NBDY: variants seen among roughly 807,000 people sequenced by gnomAD.
NBDY encodes P-body dissociating protein.
At position 56,756,887 on chromosome X, in the gene NBDY, G is replaced by A. The variant is rs774800828; in HGVS notation, c.*166+24688G>A. Reference sequence around the variant, plus strand: ...ATGAGAATCACTTGAACCAGGAGGCGGGGGTTGTAGTGAGCCGAGATTGCG... The same window carrying A: ...ATGAGAATCACTTGAACCAGGAGGCAGGGGTTGTAGTGAGCCGAGATTGCG... On this transcript the variant is annotated intron_variant, in intron 2 of 2. Coordinates refer to ENST00000374922, the MANE Select transcript of NBDY (RefSeq NM_001348129.2). Among the ~76,000 whole-genome samples, 21 of 110,739 alleles carry A rather than the reference G, an allele frequency of 1.9e-4. No individual in the cohort carries two copies. In the South Asian group the frequency reaches 8.2e-3, roughly 43 times the overall value.
intron 2 of NBDY, among the ~76,000 whole-genome samples, chrX:56,806,745 T>C (rs895702093): frequency 8.0e-5 from 9 of 111,802 alleles, no homozygotes; most frequent in African/African-American, 2.9e-4. Flanking sequence ...TTGCAAAGAG[T>C]TTCTCCCATT....
At chrX:56,808,016 T>A (rs1397070458) in intron 2 of NBDY, among the ~76,000 whole-genome samples, 1 of 112,283 alleles carries the variant, frequency 8.9e-6, no homozygotes, top group Non-Finnish European at 1.9e-5. Flanking sequence ...TTGAAAGTTT[T>A]TAGCATGAAG....
At chrX:56,734,743 G>A (rs1906809450) in intron 2 of NBDY, among the ~76,000 whole-genome samples, 1 of 111,734 alleles carries the variant, frequency 8.9e-6, no homozygotes, top group African/African-American at 3.3e-5. Flanking sequence ...AGGAAGAGAG[G>A]GGACCTTGGA....
At chrX:56,756,356 C>G in intron 2 of NBDY, among the ~76,000 whole-genome samples, 1 of 107,065 alleles carries the variant, frequency 9.3e-6, no homozygotes, top group Non-Finnish European at 1.9e-5. Context: ...TTATCCACAG[C>G]TAAATAAAAA....
At chrX:56,794,945 C>G (rs1376127533) in intron 2 of NBDY, among the ~76,000 whole-genome samples, 2 of 112,152 alleles carry the variant, frequency 1.8e-5, no homozygotes, top group East Asian at 5.6e-4. Context: ...AGACCTTCAG[C>G]GACCTCTCTC....
In NBDY at chrX:56,819,021, T is replaced by C. The variant is rs2069923732; in HGVS notation, c.*1868T>C. On this transcript the variant is annotated 3_prime_UTR_variant, in exon 3 of 3. Transcript: ENST00000374922. ...CAAAAAAACAAAAAACTTCCACCCC[T>C]ACCTCATGCAAAATACAAAAATTAA... 9.6e-6 allele frequency: 1 copy of C among 104,044 alleles called. No homozygotes were observed. The highest frequency in any genetic ancestry group is 3.4e-5 in the African/African-American group (1 of 29,125). The allele number at this position is 104,044 out of a possible 1,213,427, so 8.6% of individuals were successfully genotyped here. A position where few individuals can be genotyped will look rare whatever the true frequency, so the allele number is the denominator to read the frequency against.
Position 56,766,455 on chromosome X carries a change from C to T in NBDY, c.*166+34256C>T, listed in dbSNP as rs185286682. ...ATACATGCACACCCAGACAAAAACACGCTTACACATACCCACACAAACACA... is the reference window on the plus strand; with the variant it reads ...ATACATGCACACCCAGACAAAAACATGCTTACACATACCCACACAAACACA... On this transcript the variant is annotated intron_variant, in intron 2 of 2. Coordinates refer to ENST00000374922, the MANE Select transcript of NBDY (RefSeq NM_001348129.2). 2.5e-4 allele frequency among the ~76,000 whole-genome samples: 28 copies of T among 111,741 alleles called. 1 individual carries two copies. The East Asian group carries it at 6.5e-3, about 26-fold the overall frequency.
At chrX:56,812,227 T>C (rs2069890702) in intron 2 of NBDY, among the ~76,000 whole-genome samples, 1 of 106,285 alleles carries the variant, frequency 9.4e-6, no homozygotes, top group South Asian at 4.6e-4. Context: ...CTTTTTTTTA[T>C]CTTCACTGTC....
intron 2 of NBDY, among the ~76,000 whole-genome samples, chrX:56,733,382 C>G (rs1220071398): frequency 9.0e-6 from 1 of 110,512 alleles, no homozygotes; most frequent in Admixed American, 9.6e-5. Flanking sequence ...AAAGAGTGAA[C>G]AATCATATAA....
chrX:56,745,731 C>A (rs2069553826), intron 2 of NBDY, among the ~76,000 whole-genome samples: 1 of 110,820 alleles, frequency 9.0e-6, no homozygotes, highest in Non-Finnish European at 1.9e-5. Context: ...TAGCACCCTC[C>A]CTTTTTTTTT....
intron 2 of NBDY, among the ~76,000 whole-genome samples, chrX:56,757,926 T>A (rs1304792538): frequency 9.0e-6 from 1 of 111,444 alleles, no homozygotes; most frequent in Non-Finnish European, 1.9e-5. Context: ...CAGAATCCTC[T>A]ATGAACCTGC....
At chrX:56,817,139 T>C (rs2069914426) in intron 2 of NBDY, among the ~76,000 whole-genome samples, 181 bp from the exon 3 acceptor site, 1 of 112,086 alleles carries the variant, frequency 8.9e-6, no homozygotes, top group Non-Finnish European at 1.9e-5. Context: ...ATGCAGGTTA[T>C]TGACATTGTA....
intron 2 of NBDY, among the ~76,000 whole-genome samples, chrX:56,785,163 T>C (rs2069720140): frequency 9.0e-6 from 1 of 110,967 alleles, no homozygotes; most frequent in Admixed American, 9.5e-5. Flanking sequence ...AAGACTCACA[T>C]GACCATGGAA....
At chrX:56,808,680 T>C (rs2069868040) in intron 2 of NBDY, among the ~76,000 whole-genome samples, 1 of 112,082 alleles carries the variant, frequency 8.9e-6, no homozygotes, top group Admixed American at 9.5e-5. Flanking sequence ...TAGAGGTCTA[T>C]CTATTTTGTT....
At position 56,789,389 on chromosome X, in the gene NBDY, G is replaced by C. The variant is rs948574635; in HGVS notation, c.*167-27931G>C. On this transcript the variant is annotated intron_variant, in intron 2 of 2. Coordinates refer to ENST00000374922, the MANE Select transcript of NBDY (RefSeq NM_001348129.2). ...CTGGGGGCAGTATGATGGGGTACAG[G>C]AGAGGGATGTGTGAGTGTGTGGGCC... Among the ~76,000 whole-genome samples the C allele has an allele frequency of 2.7e-5, 3 of 112,131 alleles. No homozygotes were observed. In the South Asian group the frequency reaches 1.1e-3, roughly 42 times the overall value.
In NBDY at chrX:56,799,310, C is replaced by A. The variant is rs755509441; in HGVS notation, c.*167-18010C>A. 1.1e-4 allele frequency among the ~76,000 whole-genome samples: 12 copies of A among 112,926 alleles called. No individual in the cohort carries two copies. The South Asian group carries it at 2.2e-3, about 21-fold the overall frequency. ...GGGTGCCCCTGTCCCTGCGTGGCCC[C>A]AGCCAAGGGCACCCCTGAACTCTCC... On this transcript the variant is annotated intron_variant, in intron 2 of 2. Coordinates refer to ENST00000374922, the MANE Select transcript of NBDY (RefSeq NM_001348129.2).
intron 2 of NBDY, among the ~76,000 whole-genome samples, chrX:56,751,069 T>A (rs2069582515): frequency 9.0e-6 from 1 of 111,663 alleles, no homozygotes; most frequent in Non-Finnish European, 1.9e-5. Flanking sequence ...CTGTATGGCA[T>A]ACCTCTTAAT....
At chrX:56,729,977 A>G (rs1410870924) in intron 1 of NBDY, among the ~76,000 whole-genome samples, 1 of 109,376 alleles carries the variant, frequency 9.1e-6, no homozygotes, top group Non-Finnish European at 1.9e-5. Context: ...TTTTGCGTGC[A>G]TTGGAAAATT....
chrX:56,784,836 G>A (rs2069717486), intron 2 of NBDY, among the ~76,000 whole-genome samples: 1 of 112,089 alleles, frequency 8.9e-6, no homozygotes, highest in African/African-American at 3.3e-5. Context: ...CCTGACGCGG[G>A]CCATCATACA....
Sources: allele counts gnomAD v4.1 joint callset (sites outside exome capture counted in the v4.1 genomes callset), GRCh38; gene constraint gnomAD v4.1.1; transcripts MANE v1.5; gene names NCBI Gene and HGNC (gene_info 2026-07-23, HGNC 2026-07-21).